Variants in RAB31 observed in about 807,000 individuals in gnomAD.
The protein encoded by RAB31 is ras-related protein Rab-31.
RAB31 carries 21 observed loss-of-function variants against 25.6 expected under a neutral mutation model. The observed-to-expected ratio is 0.82, with a 90% CI of 0.58 to 1.18. The LOEUF is 1.18. RAB31 is among the 50% of genes most tolerant of loss of function. The pLI, the probability that RAB31 is intolerant of heterozygous loss-of-function variation, is 0.00. For synonymous variants in RAB31, 87 were observed against 84.0 expected (o/e 1.04, Z -0.20); for missense variants, 196 against 250.1 (o/e 0.78, Z 1.46).
At position 9,727,551 on chromosome 18, in the gene RAB31, A is replaced by G. The variant is rs141441153; in HGVS notation, c.39+19107A>G. Among the ~76,000 whole-genome samples the G allele has an allele frequency of 5.3e-3, 809 of 152,280 alleles. 8 individuals are homozygous for G. Among genetic ancestry groups the G allele is most frequent in the African/African-American group, 0.018 (753 of 41,546 alleles). The stretch of plus-strand genomic sequence containing the variant: ...GGCTGGTCTCGAACTCCTGGCCTCA[A>G]GGGATCCTTTTGCCTTGGCCTCCCA... On this transcript the variant is annotated intron_variant, in intron 1 of 6. Coordinates refer to ENST00000578921, the MANE Select transcript of RAB31 (RefSeq NM_006868.4).
At chr18:9,748,001 A>G (rs2068214226) in intron 1 of RAB31, among the ~76,000 whole-genome samples, 1 of 152,232 alleles carries the variant, frequency 6.6e-6, no homozygotes, top group South Asian at 2.1e-4. Flanking sequence ...CGGCATCCAC[A>G]CAGGAAACAC....
At chr18:9,783,076 A>T (rs1052151089) in intron 2 of RAB31, among the ~76,000 whole-genome samples, 1 of 152,166 alleles carries the variant, frequency 6.6e-6, no homozygotes, top group East Asian at 1.9e-4. Context: ...GAGATCAGGA[A>T]CACAGAGGGA....
intron 1 of RAB31, among the ~76,000 whole-genome samples, chr18:9,716,939 T>C (rs891664628): frequency 2.6e-5 from 4 of 151,604 alleles, no homozygotes; most frequent in African/African-American, 9.7e-5. Context: ...TCTTTTTTTT[T>C]TGGTAGAGAT....
At chr18:9,719,336 TAAA>T (rs1555683167) in intron 1 of RAB31, among the ~76,000 whole-genome samples, 7 of 83,888 alleles carry the variant, frequency 8.3e-5, no homozygotes, top group African/African-American at 2.1e-4. Flanking sequence ...TATAAATAAA[TAAA>T]TTTGATCTAA....
At chr18:9,850,080 C>T (rs149866525) in intron 6 of RAB31, among the ~76,000 whole-genome samples, 1 of 152,274 alleles carries the variant, frequency 6.6e-6, no homozygotes, top group African/African-American at 2.4e-5. Flanking sequence ...GGAAGTGGAG[C>T]TGGATTTCAG....
intron 1 of RAB31, among the ~76,000 whole-genome samples, chr18:9,743,619 A>C (rs1457794494): frequency 6.6e-6 from 1 of 152,166 alleles, no homozygotes; most frequent in East Asian, 1.9e-4. Context: ...TTCCTGCCCC[A>C]GGGCTTCAGG....
chr18:9,765,356 G>T (rs982713953), intron 1 of RAB31, among the ~76,000 whole-genome samples: 2 of 152,188 alleles, frequency 1.3e-5, no homozygotes, highest in Non-Finnish European at 2.9e-5. Flanking sequence ...TGCATTGCTA[G>T]CTCAGTTTTT....
At chr18:9,853,994 G>A (rs190592248) in intron 6 of RAB31, among the ~76,000 whole-genome samples, 330 of 143,610 alleles carry the variant, frequency 2.3e-3, no homozygotes, top group Non-Finnish European at 2.5e-3. Flanking sequence ...TAAATTCCAG[G>A]ATACATATGC....
At chr18:9,743,984 G>A (rs2068193000) in intron 1 of RAB31, among the ~76,000 whole-genome samples, 1 of 152,202 alleles carries the variant, frequency 6.6e-6, no homozygotes, top group African/African-American at 2.4e-5. Flanking sequence ...GGCGCAGTGG[G>A]TGCTTTAATC....
chr18:9,813,475 G>A (rs1452965348), intron 3 of RAB31, among the ~76,000 whole-genome samples: 5 of 152,140 alleles, frequency 3.3e-5, no homozygotes, highest in Non-Finnish European at 7.4e-5. Flanking sequence ...ATTTGTTTTT[G>A]GCCTTTACCC....
At chr18:9,751,956 G>A (rs985925888) in intron 1 of RAB31, among the ~76,000 whole-genome samples, 10 of 152,304 alleles carry the variant, frequency 6.6e-5, no homozygotes, top group Admixed American at 5.9e-4. Flanking sequence ...TGGGCCCCAG[G>A]AAGACAGGGA....
At chr18:9,768,918 GC>G (rs746703405) in intron 1 of RAB31, among the ~76,000 whole-genome samples, 1 of 152,168 alleles carries the variant, frequency 6.6e-6, no homozygotes, top group African/African-American at 2.4e-5. Context: ...GATATGGCTA[GC>G]CAGTTTTCCC....
intron 1 of RAB31, among the ~76,000 whole-genome samples, chr18:9,769,179 C>T (rs941214479): frequency 6.6e-6 from 1 of 152,126 alleles, no homozygotes; most frequent in African/African-American, 2.4e-5. Context: ...GCTATACGGG[C>T]TCTTTTTTTG....
At chr18:9,750,428 CT>C (rs1274908028) in intron 1 of RAB31, among the ~76,000 whole-genome samples, 1 of 152,190 alleles carries the variant, frequency 6.6e-6, no homozygotes, top group Non-Finnish European at 1.5e-5. Context: ...AGGATCCCGC[CT>C]TGTAAAAATG....
In RAB31 at chr18:9,708,816, C is replaced by A. The variant is rs1162434996; in HGVS notation, c.39+372C>A. ...CGGATCCGCGGCGACCTCGCGGGGA[C>A]CCCCAGCGGGGACGGGGCAGTGGCG... On this transcript the variant is annotated intron_variant, in intron 1 of 6. Transcript: ENST00000578921. The surrounding 1 kb of genome is among the most constrained non-coding windows in gnomAD (Gnocchi z 6.4). 2.0e-5 allele frequency among the ~76,000 whole-genome samples: 3 copies of A among 152,140 alleles called. No individual in the cohort carries two copies. The highest frequency in any genetic ancestry group is 4.4e-5 in the Non-Finnish European group (3 of 68,022).
chr18:9,843,459 T>C (rs2068744326), intron 5 of RAB31, among the ~76,000 whole-genome samples: 1 of 148,860 alleles, frequency 6.7e-6, no homozygotes, highest in Non-Finnish European at 1.5e-5. Context: ...GGCACAAGAA[T>C]TGCTTGAACC....
At chr18:9,795,416 A>T (rs2068482207) in intron 3 of RAB31, among the ~76,000 whole-genome samples, 1 of 152,260 alleles carries the variant, frequency 6.6e-6, no homozygotes, top group South Asian at 2.1e-4. Flanking sequence ...GCTTCTGCAC[A>T]GCAAAAGAAA....
intron 6 of RAB31, among the ~76,000 whole-genome samples, chr18:9,856,903 G>A (rs1288989659): frequency 1.3e-5 from 2 of 152,096 alleles, no homozygotes; most frequent in African/African-American, 4.8e-5. Flanking sequence ...AAAGAGTACT[G>A]GTAGTCATTG....
intron 2 of RAB31, among the ~76,000 whole-genome samples, chr18:9,783,504 T>C (rs2068416237): frequency 6.6e-6 from 1 of 152,196 alleles, no homozygotes; most frequent in Non-Finnish European, 1.5e-5. Flanking sequence ...CTGTATTATT[T>C]ATCGCAGCAC....
Sources: gnomAD v4.1 joint callset for allele counts (sites outside exome capture counted in the v4.1 genomes callset) on GRCh38, gnomAD v4.1.1 for gene constraint, Gnocchi (gnomAD v3.1) non-coding constraint, MANE v1.5 for transcripts, NCBI Gene and HGNC (gene_info 2026-07-23, HGNC 2026-07-21) for gene names.